CD163: variants seen among roughly 807,000 people sequenced by gnomAD.
The protein encoded by CD163 is scavenger receptor cysteine-rich type 1 protein M130.
CD163 carries 64 observed loss-of-function variants against 129.2 expected under a neutral mutation model. The observed-to-expected ratio is 0.50, with a 90% confidence interval of 0.41 to 0.61. CD163 has a LOEUF of 0.61. CD163 is among the 20% of genes least tolerant of loss of function. CD163 has a pLI of 0.00. For synonymous variants in CD163, 446 were observed against 478.5 expected (o/e 0.93, Z 0.89); for missense variants, 1,061 against 1,377.9 (o/e 0.77, Z 3.64).
In CD163 at chr12:7,487,605, C is replaced by T; in HGVS notation, c.1804G>A (p.Gly602Ser). ...CEGRVELKTLGAWGSLCNSHW... is the reference protein window; with the variant it reads ...CEGRVELKTLSAWGSLCNSHW... The stretch of plus-strand genomic sequence containing the variant: ...GAGTTACAGAGGGATCCCCAGGCAC[C>T]AAGCGTTTTGAGCTCCACTCTGCCC... The change falls in exon 8 of 17, where the codon GGT (glycine) becomes AGT (serine). Residue 602 changes from glycine (G) to serine (S), a missense_variant. Physicochemically the swap from Gly to Ser is moderately conservative, Grantham distance 56. Coordinates refer to ENST00000432237, the MANE Select transcript of CD163 (RefSeq NM_203416.4). This position sits in a 1 kb window ranked among gnomAD's most constrained non-coding sequence, Gnocchi z 5.1. 1 of 1,614,130 alleles carries T rather than the reference C, an allele frequency of 6.2e-7. No homozygotes were observed. Among genetic ancestry groups the T allele is most frequent in the Non-Finnish European group, 8.5e-7 (1 of 1,180,016 alleles).
At position 7,488,022 on chromosome 12, in the gene CD163, C is replaced by G; in HGVS notation, c.1486G>C (p.Gly496Arg). 2 of 1,614,126 alleles carry G rather than the reference C, an allele frequency of 1.2e-6. No homozygotes were observed. The highest frequency in any genetic ancestry group is 2.7e-5 in the African/African-American group (2 of 75,050). Reference protein sequence around the residue: ...PCSGRVEVKHGDTWGSICDSD... With the variant: ...PCSGRVEVKHRDTWGSICDSD... ...TCACAGATGGAGCCCCACGTGTCAC[C>G]ATGCTTCACTTCAACACGTCCAGAA... The change falls in exon 7 of 17, where the codon GGT (glycine) becomes CGT (arginine). Residue 496 changes from glycine (G) to arginine (R), a missense_variant. Gly to Arg is a moderately radical substitution (Grantham distance 125). Coordinates refer to ENST00000432237, the MANE Select transcript of CD163 (RefSeq NM_203416.4).
chr12:7,498,850 G>C lies in CD163; in HGVS notation c.778+18C>G, dbSNP rs757922454. 5.6e-6 allele frequency: 9 copies of C among 1,604,570 alleles called. No homozygotes were observed. Among genetic ancestry groups the C allele is most frequent in the East Asian group, 2.2e-5 (1 of 44,796 alleles). ...TGTCCTCTCCTGGAGAATAGAATGA[G>C]CCAAGATCAGTCCTTACTTGAGCAA... On this transcript the variant is annotated intron_variant, in intron 4 of 16. Coordinates refer to ENST00000432237, the MANE Select transcript of CD163 (RefSeq NM_203416.4).
At position 7,488,014 on chromosome 12, in the gene CD163, C is replaced by T. The variant is rs758904897; in HGVS notation, c.1494G>A (p.Thr498=). ...SGRVEVKHGD[T]WGSICDSDFS... is the part of the protein sequence containing the mutation. ...AGTCCGAATCACAGATGGAGCCCCA[C>T]GTGTCACCATGCTTCACTTCAACAC... Residue 498 remains threonine, a synonymous_variant, in exon 7 of 17, where the codon ACG becomes ACA. Coordinates refer to ENST00000432237, the MANE Select transcript of CD163 (RefSeq NM_203416.4). 3.5e-5 allele frequency: 57 copies of T among 1,613,990 alleles called. No individual in the cohort carries two copies. The highest frequency in any genetic ancestry group is 1.3e-4 in the East Asian group (6 of 44,860).
In CD163 at chr12:7,503,763, A is replaced by G. The variant is rs1949525373; in HGVS notation, c.-73T>C. 6.5e-6 allele frequency: 6 copies of G among 930,176 alleles called. No homozygotes were observed. The African/African-American group carries it at 6.7e-5, about 10-fold the overall frequency. The allele number at this position is 930,176 out of a possible 1,614,324, so 57.6% of individuals were successfully genotyped here. ...CCCTAGAAATGTTCTTCTAAAGAAAACAACTAAGAATTCTAAAAATCACTT... is the reference window on the plus strand; with the variant it reads ...CCCTAGAAATGTTCTTCTAAAGAAAGCAACTAAGAATTCTAAAAATCACTT... On this transcript the variant is annotated 5_prime_UTR_variant, in exon 1 of 17. Transcript: ENST00000432237.
intron 4 of CD163, among the ~76,000 whole-genome samples, chr12:7,497,874 C>CAT (rs1446818983): frequency 6.6e-6 from 1 of 152,108 alleles, no homozygotes; most frequent in East Asian, 1.9e-4. Context: ...AAATTCTTCA[C>CAT]ATTCTTAACC....
intron 6 of CD163, among the ~76,000 whole-genome samples, chr12:7,491,967 T>A (rs140676129): frequency 6.6e-6 from 1 of 152,296 alleles, no homozygotes; most frequent in East Asian, 1.9e-4. Context: ...TTAAGCTGTA[T>A]AGCCCTGTAC....
chr12:7,481,760 A>C (rs1192453885), intron 14 of CD163, among the ~76,000 whole-genome samples: 1 of 152,174 alleles, frequency 6.6e-6, no homozygotes, highest in Admixed American at 6.5e-5. Context: ...GTGAAACATA[A>C]GAACTTCATA....
intron 6 of CD163, among the ~76,000 whole-genome samples, chr12:7,492,089 T>G (rs899365629): frequency 4.6e-5 from 7 of 151,996 alleles, no homozygotes; most frequent in Non-Finnish European, 1.0e-4. Context: ...ATTGAAAGTA[T>G]CAAGTAAATA....
intron 12 of CD163, 89 bp from the exon 13 acceptor site, chr12:7,483,093 T>C: frequency 2.3e-6 from 3 of 1,285,128 alleles, no homozygotes; most frequent in Non-Finnish European, 3.3e-6. Context: ...CCTTAGTACC[T>C]CTCAACCAAG....
chr12:7,499,260 C>G, intron 3 of CD163, 72 bp from the exon 4 acceptor site: 2 of 1,336,244 alleles, frequency 1.5e-6, no homozygotes, highest in Non-Finnish European at 2.0e-6. Context: ...GAAGTTTCCT[C>G]TGGACACTTG....
chr12:7,484,274 A>G (rs562843413), intron 11 of CD163, among the ~76,000 whole-genome samples: 1 of 152,188 alleles, frequency 6.6e-6, no homozygotes, highest in Non-Finnish European at 1.5e-5. Context: ...CATTATAAAT[A>G]TGTGATGTCA....
At chr12:7,488,214 T>C (rs1949283449) in intron 6 of CD163, 127 bp from the exon 7 acceptor site, 3 of 1,018,212 alleles carry the variant, frequency 2.9e-6, no homozygotes, top group Non-Finnish European at 4.2e-6. Flanking sequence ...CCTACACTTG[T>C]TTGTCTTGGC....
Position 7,494,493 on chromosome 12 carries a change from T to G in CD163, c.1420+588A>C, listed in dbSNP as rs769252564. Among the ~76,000 whole-genome samples the G allele has an allele frequency of 2.6e-5, 4 of 152,334 alleles. No homozygotes were observed. The South Asian group carries it at 8.3e-4, about 32-fold the overall frequency. The stretch of plus-strand genomic sequence containing the variant: ...CATGTTTAATGGTTTTCTTGTACAC[T>G]GTGTTTTCTAAAGCCTTTTTGTTGC... On this transcript the variant is annotated intron_variant, in intron 6 of 16. Transcript: ENST00000432237.
chr12:7,483,291 T>C (rs1290923734), intron 12 of CD163, 76 bp downstream of exon 12: 3 of 1,402,454 alleles, frequency 2.1e-6, no homozygotes, highest in African/African-American at 2.8e-5. Context: ...ATCCGGTTTT[T>C]ACACAACACA....
intron 14 of CD163, among the ~76,000 whole-genome samples, chr12:7,481,909 T>C (rs1464759296): frequency 6.6e-6 from 1 of 152,116 alleles, no homozygotes; most frequent in African/African-American, 2.4e-5. Context: ...TTCTCTAGAA[T>C]GTTCCTCACC....
rs1427564615 is a variant in CD163 at position 7,471,387 on chromosome 12, TA to T, written c.*41del. The T allele has an allele frequency of 2.0e-5, 3 of 152,178 alleles. No individual in the cohort carries two copies. The highest frequency in any genetic ancestry group is 7.2e-5 in the African/African-American group (3 of 41,436). The allele number at this position is 152,178 out of a possible 1,614,324, so 9.4% of individuals were successfully genotyped here. ...AGTCCAGGTCTTCATCAAGGTATCTTAAAGGCTGAACTAAAACCATAAATAG... is the reference window on the plus strand; with the variant it reads ...AGTCCAGGTCTTCATCAAGGTATCTTAAGGCTGAACTAAAACCATAAATAG... On this transcript the variant is annotated 3_prime_UTR_variant, in exon 17 of 17. Coordinates refer to ENST00000432237, the MANE Select transcript of CD163 (RefSeq NM_203416.4).
chr12:7,484,654 A>C (rs1309007510), intron 11 of CD163, among the ~76,000 whole-genome samples: 1 of 151,794 alleles, frequency 6.6e-6, no homozygotes, highest in African/African-American at 2.4e-5. Context: ...AAAAAAAAAA[A>C]AAAAACCTGT....
In CD163 at chr12:7,502,990, T is replaced by G. The variant is rs372258816; in HGVS notation, c.47-426A>C. ...CTTTAAGACTACCTAGCCGCACTGA[T>G]AGAGGATAAGTTCCATGAGTAAACG... On this transcript the variant is annotated intron_variant, in intron 1 of 16. Coordinates refer to ENST00000432237, the MANE Select transcript of CD163 (RefSeq NM_203416.4). Among the ~76,000 whole-genome samples the G allele has an allele frequency of 2.8e-4, 43 of 152,294 alleles. No individual in the cohort carries two copies. The East Asian group carries it at 5.0e-3, about 18-fold the overall frequency.
At chr12:7,482,851 C>T (rs1434484404) in intron 13 of CD163, 89 bp from the exon 14 acceptor site, 2 of 1,585,972 alleles carry the variant, frequency 1.3e-6, no homozygotes, top group Non-Finnish European at 1.7e-6. Flanking sequence ...AGGTCAAATA[C>T]TTGATCCCTG....
Sources: gnomAD v4.1 joint callset for allele counts (sites outside exome capture counted in the v4.1 genomes callset) on GRCh38, gnomAD v4.1.1 for gene constraint, Gnocchi (gnomAD v3.1) non-coding constraint, MANE v1.5 for transcripts, NCBI Gene and HGNC (gene_info 2026-07-23, HGNC 2026-07-21) for gene names.